Variants in TTC28 observed in about 807,000 individuals in gnomAD.
The protein encoded by TTC28 is tetratricopeptide repeat domain 28.
In TTC28, 61 loss-of-function variants were observed where a neutral mutation model predicts 198.0. That is an observed-to-expected ratio of 0.31 (90% confidence interval 0.25 to 0.38). The LOEUF is 0.38. Ranked by LOEUF, TTC28 falls within the 10% of genes least tolerant of loss-of-function variation. TTC28 has a pLI of 1.00. For missense variants in TTC28, 2,678 were observed against 3,164.0 expected (o/e 0.85, Z 3.69); for synonymous variants, 1,171 against 1,297.8 (o/e 0.90, Z 2.10).
chr22:28,036,376 G>A (rs187712027), intron 12 of TTC28, among the ~76,000 whole-genome samples: 72 of 152,184 alleles, frequency 4.7e-4, no homozygotes, highest in Non-Finnish European at 8.4e-4. Flanking sequence ...ACTCAAAACC[G>A]GACAACTACA....
At chr22:28,004,337 C>T (rs149817859) in intron 14 of TTC28, among the ~76,000 whole-genome samples, 193 of 152,256 alleles carry the variant, frequency 1.3e-3, no homozygotes, top group South Asian at 1.9e-3. Context: ...TGCCTGCCTG[C>T]GGGAGAGGGG....
intron 2 of TTC28, among the ~76,000 whole-genome samples, chr22:28,371,511 A>AAAAAAAAAAAAAAAAAAAAAAAAC: frequency 7.8e-6 from 1 of 127,982 alleles, no homozygotes; most frequent in Non-Finnish European, 1.6e-5. Context: ...CCCTGTCTCA[A>AAAAAAAAAAAAAAAAAAAAAAAAC]AAAAAAAAAA....
intron 2 of TTC28, among the ~76,000 whole-genome samples, chr22:28,458,620 G>A (rs980532799): frequency 2.1e-4 from 32 of 152,096 alleles, no homozygotes; most frequent in Non-Finnish European, 4.3e-4. Context: ...GGTGGCTCAC[G>A]CCTGTAATCC....
intron 2 of TTC28, among the ~76,000 whole-genome samples, chr22:28,399,506 G>A (rs937383103): frequency 2.6e-5 from 4 of 151,650 alleles, no homozygotes; most frequent in Admixed American, 1.3e-4. Context: ...CAGTAGAAAC[G>A]AGGTGCCTGG....
At chr22:28,189,473 A>G (rs545505649) in intron 5 of TTC28, among the ~76,000 whole-genome samples, 36 of 152,216 alleles carry the variant, frequency 2.4e-4, no homozygotes, top group African/African-American at 8.7e-4. Context: ...AGTTCTATAC[A>G]TAGAAAACAA....
At position 28,150,472 on chromosome 22, in the gene TTC28, C is replaced by CA. The variant is rs199623981; in HGVS notation, c.1441+12619dup. Among the ~76,000 whole-genome samples the CA allele has an allele frequency of 8.5e-4, 129 of 151,910 alleles. 1 individual carries two copies. In the East Asian group the frequency reaches 0.012, roughly 14 times the overall value. ...TTTTCTGCTGTTATTTTGATTTTCTCAAAAAAAATCATTCAAAAGCAAATT... is the reference window on the plus strand; with the variant it reads ...TTTTCTGCTGTTATTTTGATTTTCTCAAAAAAAAATCATTCAAAAGCAAATT... On this transcript the variant is annotated intron_variant, in intron 6 of 22. Coordinates refer to ENST00000397906, the MANE Select transcript of TTC28 (RefSeq NM_001145418.2).
chr22:28,418,756 T>C (rs2047203203), intron 2 of TTC28, among the ~76,000 whole-genome samples: 2 of 152,252 alleles, frequency 1.3e-5, no homozygotes, highest in Non-Finnish European at 2.9e-5. Context: ...GTGCCTATTA[T>C]TAGCTAACAA....
At chr22:28,253,265 T>C (rs2147278596) in intron 5 of TTC28, among the ~76,000 whole-genome samples, 1 of 152,320 alleles carries the variant, frequency 6.6e-6, no homozygotes, top group East Asian at 1.9e-4. Context: ...GTAAATTTAT[T>C]TTTTGCACAT....
At chr22:28,225,773 C>T (rs532344650) in intron 5 of TTC28, among the ~76,000 whole-genome samples, 3 of 152,176 alleles carry the variant, frequency 2.0e-5, no homozygotes, top group Non-Finnish European at 2.9e-5. Flanking sequence ...CCTTTGCATT[C>T]GCTACTTTTT....
chr22:28,366,603 C>T (rs1467535593), intron 2 of TTC28, among the ~76,000 whole-genome samples: 1 of 151,938 alleles, frequency 6.6e-6, no homozygotes, highest in African/African-American at 2.4e-5. Context: ...AATAATAATG[C>T]TGAATGTAAA....
intron 1 of TTC28, among the ~76,000 whole-genome samples, chr22:28,658,121 C>A (rs1167210539): frequency 6.6e-6 from 1 of 152,064 alleles, no homozygotes. Context: ...ACTTATGCAT[C>A]TGAAGTTATT....
In TTC28 at chr22:28,107,873, C is replaced by T. The variant is rs934828271; in HGVS notation, c.1972G>A (p.Glu658Lys). ...GNYQEAVKYY[E>K]QDLALAKDLH... is the part of the protein sequence containing the mutation. ...TCTTTAGCCAGTGCCAGATCCTGTT[C>T]GTAGTACTTCACTGCCTCCTGATAG... The change falls in exon 7 of 23, where the codon GAA becomes AAA. Residue 658 changes from glutamate to lysine, a missense_variant. By Grantham distance (56) the Glu-to-Lys change is moderately conservative. Coordinates refer to ENST00000397906, the MANE Select transcript of TTC28 (RefSeq NM_001145418.2). The T allele has an allele frequency of 7.1e-6, 11 of 1,551,662 alleles. No individual in the cohort carries two copies. Among genetic ancestry groups the T allele is most frequent in the African/African-American group, 1.4e-5 (1 of 73,024 alleles).
intron 2 of TTC28, among the ~76,000 whole-genome samples, chr22:28,318,396 T>A (rs1295999388): frequency 6.6e-6 from 1 of 152,212 alleles, no homozygotes; most frequent in East Asian, 1.9e-4. Context: ...GCATCCTGAT[T>A]TGAAGCTGCC....
At chr22:28,049,475 T>C (rs932716220) in intron 12 of TTC28, among the ~76,000 whole-genome samples, 3 of 152,090 alleles carry the variant, frequency 2.0e-5, no homozygotes, top group Non-Finnish European at 4.4e-5. Context: ...AATTTAAAAT[T>C]TTTTAAATTT....
chr22:28,359,884 C>G (rs2046132357), intron 2 of TTC28, among the ~76,000 whole-genome samples: 1 of 152,062 alleles, frequency 6.6e-6, no homozygotes, highest in African/African-American at 2.4e-5. Context: ...GCTCAGATAG[C>G]TCCATTCCAA....
chr22:28,281,219 T>C (rs1360566353), intron 5 of TTC28, among the ~76,000 whole-genome samples: 3 of 152,162 alleles, frequency 2.0e-5, no homozygotes, highest in African/African-American at 7.2e-5. Context: ...CCGTAACATG[T>C]ATATAATTAT....
intron 2 of TTC28, among the ~76,000 whole-genome samples, chr22:28,574,121 C>T (rs1184799918): frequency 6.6e-6 from 1 of 152,138 alleles, no homozygotes; most frequent in African/African-American, 2.4e-5. Context: ...TCAGGTGATC[C>T]TCCCATGTCA....
intron 2 of TTC28, among the ~76,000 whole-genome samples, chr22:28,531,442 T>C (rs1317056734): frequency 6.6e-6 from 1 of 152,070 alleles, no homozygotes; most frequent in Non-Finnish European, 1.5e-5. Context: ...AGACTTAGAC[T>C]CCCACACAAT....
In TTC28 at chr22:27,982,638, G is replaced by T; in HGVS notation, c.7029C>A (p.Asp2343Glu). 6.4e-7 allele frequency: 1 copy of T among 1,551,754 alleles called. No homozygotes were observed. Among genetic ancestry groups the T allele is most frequent in the East Asian group, 2.4e-5 (1 of 40,900 alleles). The stretch of plus-strand genomic sequence containing the variant: ...CATCAATGGCTGCCATTTTCAGTTT[G>T]TCTATGTCGGGAGCGTCTGCTGGAC... ...RSSPADAPDIDKLKMAAIDEK... is the reference protein window; with the variant it reads ...RSSPADAPDIEKLKMAAIDEK... Residue 2343 changes from aspartate (D) to glutamate (E), a missense_variant, in exon 23 of 23, where the codon GAC becomes GAA. By Grantham distance (45) the Asp-to-Glu change is conservative. Transcript: ENST00000397906. The surrounding 1 kb of genome is among the most constrained non-coding windows in gnomAD (Gnocchi z 5.2).
Sources: gnomAD v4.1 joint callset for allele counts (sites outside exome capture counted in the v4.1 genomes callset) on GRCh38, gnomAD v4.1.1 for gene constraint, Gnocchi (gnomAD v3.1) non-coding constraint, MANE v1.5 for transcripts, NCBI Gene and HGNC (gene_info 2026-07-23, HGNC 2026-07-21) for gene names.